The following CCDC73 variants were observed in gnomAD, a reference collection of about 807,000 sequenced individuals.
CCDC73 encodes coiled-coil domain containing 73, also known as coiled-coil domain-containing protein 73.
In CCDC73, 95 loss-of-function variants were observed where a neutral mutation model predicts 116.5. That is an observed-to-expected ratio of 0.82 (90% CI 0.69 to 0.97). CCDC73 has a LOEUF of 0.97. CCDC73 is among the 50% of genes least tolerant of loss of function. The probability of loss-of-function intolerance (pLI) is 0.00; values close to 1 mark genes in which losing one functional copy is unlikely to be tolerated. For synonymous variants in CCDC73, 398 were observed against 401.3 expected (o/e 0.99, Z 0.10); for missense variants, 1,066 against 1,206.8 (o/e 0.88, Z 1.73).
At chr11:32,729,465 G>C (rs1850057212) in intron 2 of CCDC73, among the ~76,000 whole-genome samples, 1 of 152,074 alleles carries the variant, frequency 6.6e-6, no homozygotes, top group East Asian at 1.9e-4. Context: ...ATTGTGAATA[G>C]TGCTGCAATG....
In CCDC73 at chr11:32,720,078, C is replaced by T. The variant is rs145232329; in HGVS notation, c.136-1931G>A. ...AGACCTATTTACCATAATACCAATA[C>T]CAAAGACAGCACAAAGGGAATACTC... is the stretch of plus-strand genomic sequence containing the variant. On this transcript the variant is annotated intron_variant, in intron 2 of 17. Transcript: ENST00000335185. 6.6e-5 allele frequency among the ~76,000 whole-genome samples: 10 copies of T among 152,228 alleles called. No individual in the cohort carries two copies. In the East Asian group the frequency reaches 9.6e-4, roughly 15 times the overall value.
At chr11:32,678,574 G>C (rs1856112979) in intron 7 of CCDC73, among the ~76,000 whole-genome samples, 1 of 151,970 alleles carries the variant, frequency 6.6e-6, no homozygotes, top group Non-Finnish European at 1.5e-5. Flanking sequence ...TTTAGAATAA[G>C]CATGGCCTTT....
At chr11:32,641,939 A>G in intron 13 of CCDC73, 33 bp downstream of exon 13, 1 of 1,327,300 alleles carries the variant, frequency 7.5e-7, no homozygotes, top group Non-Finnish European at 9.8e-7. Flanking sequence ...ACTATTTAAA[A>G]TATTTTAATA....
chr11:32,663,404 T>C (rs973463637), intron 9 of CCDC73, among the ~76,000 whole-genome samples: 14 of 152,208 alleles, frequency 9.2e-5, no homozygotes, highest in Non-Finnish European at 1.8e-4. Flanking sequence ...TCACATCCCT[T>C]GTAAGTTGGA....
Position 32,714,702 on chromosome 11 carries a change from T to C in CCDC73, c.207+3374A>G, listed in dbSNP as rs577347605. Among the ~76,000 whole-genome samples the C allele has an allele frequency of 2.6e-4, 39 of 152,146 alleles. No individual in the cohort carries two copies. The Middle Eastern group carries it at 0.02, about 80-fold the overall frequency. On this transcript the variant is annotated intron_variant, in intron 3 of 17. Coordinates refer to ENST00000335185, the MANE Select transcript of CCDC73 (RefSeq NM_001008391.4). ...TGAGAAAGCTTCAGAAGCAGACATA[T>C]TCAGAAAGAAACAGCTACCATTCAA... is the stretch of plus-strand genomic sequence containing the variant.
chr11:32,658,733 T>C (rs915440271), intron 9 of CCDC73, among the ~76,000 whole-genome samples: 1 of 152,074 alleles, frequency 6.6e-6, no homozygotes, highest in East Asian at 1.9e-4. Flanking sequence ...AGATGATGAG[T>C]GTCTATAGTA....
chr11:32,677,619 C>T (rs750797119), intron 7 of CCDC73, among the ~76,000 whole-genome samples: 69 of 152,062 alleles, frequency 4.5e-4, no homozygotes, highest in Non-Finnish European at 8.7e-4. Flanking sequence ...CCCTAAATTT[C>T]CTTTTACATA....
At chr11:32,702,440 C>T (rs1405532673) in intron 4 of CCDC73, among the ~76,000 whole-genome samples, 1 of 152,056 alleles carries the variant, frequency 6.6e-6, no homozygotes, top group Non-Finnish European at 1.5e-5. Flanking sequence ...GCATAATAAT[C>T]ATCTCTTCTA....
intron 1 of CCDC73, among the ~76,000 whole-genome samples, chr11:32,777,338 C>T (rs1045695900): frequency 6.6e-6 from 1 of 151,988 alleles, no homozygotes; most frequent in Non-Finnish European, 1.5e-5. Flanking sequence ...CTCCTGACCT[C>T]AAGTGATCTG....
At chr11:32,635,418 A>G (rs1479031042) in intron 14 of CCDC73, among the ~76,000 whole-genome samples, 1 of 152,192 alleles carries the variant, frequency 6.6e-6, no homozygotes, top group Non-Finnish European at 1.5e-5. Context: ...ATATTTGATC[A>G]ACTGATTTTC....
At chr11:32,618,327 C>G (rs1436048550) in intron 14 of CCDC73, among the ~76,000 whole-genome samples, 1 of 152,104 alleles carries the variant, frequency 6.6e-6, no homozygotes, top group Non-Finnish European at 1.5e-5. Context: ...GTGAACAGTG[C>G]TGCAATGAAC....
At chr11:32,719,023 A>C (rs911727706) in intron 2 of CCDC73, among the ~76,000 whole-genome samples, 1 of 152,196 alleles carries the variant, frequency 6.6e-6, no homozygotes, top group South Asian at 2.1e-4. Flanking sequence ...GCCAATAAGC[A>C]TCAAGTAAAA....
the CCDC73 span, among the ~76,000 whole-genome samples, chr11:32,802,977 GA>G: frequency 2.0e-5 from 3 of 149,688 alleles, no homozygotes; most frequent in Non-Finnish European, 4.4e-5. Context: ...GTTTCACCAT[GA>G]TAGCCAGGCT....
At chr11:32,807,171 T>C in the CCDC73 span, among the ~76,000 whole-genome samples, 9 of 152,198 alleles carry the variant, frequency 5.9e-5, no homozygotes, top group Admixed American at 5.9e-4. Context: ...CACTGCACTT[T>C]GGGTGTGACT....
the CCDC73 span, chr11:32,829,729 C>A: frequency 3.3e-3 from 3,189 of 977,372 alleles, 16 homozygotes; most frequent in Non-Finnish European, 3.7e-3. Context: ...AGCAGCCACC[C>A]GCGCCGCCAA....
At chr11:32,790,732 C>A (rs573067487) in intron 1 of CCDC73, among the ~76,000 whole-genome samples, 4 of 152,024 alleles carry the variant, frequency 2.6e-5, no homozygotes, top group African/African-American at 9.6e-5. Flanking sequence ...AAAACATGAA[C>A]TGTATATGTG....
chr11:32,735,533 T>C (rs899677589), intron 2 of CCDC73, among the ~76,000 whole-genome samples: 2 of 151,786 alleles, frequency 1.3e-5, no homozygotes, highest in African/African-American at 4.8e-5. Flanking sequence ...AAACAGAACA[T>C]TCCATGCTCA....
At chr11:32,684,911 G>A (rs1394663685) in intron 6 of CCDC73, among the ~76,000 whole-genome samples, 1 of 152,092 alleles carries the variant, frequency 6.6e-6, no homozygotes, top group African/African-American at 2.4e-5. Context: ...AGCCCGGGGG[G>A]TGGAGGTTGC....
At chr11:32,804,006 C>T in the CCDC73 span, among the ~76,000 whole-genome samples, 1 of 152,036 alleles carries the variant, frequency 6.6e-6, no homozygotes. Flanking sequence ...GACAGGGTTT[C>T]ACCATGTTGA....
Sources: allele counts gnomAD v4.1 joint callset (sites outside exome capture counted in the v4.1 genomes callset), GRCh38; gene constraint gnomAD v4.1.1; transcripts MANE v1.5; gene names NCBI Gene and HGNC (gene_info 2026-07-23, HGNC 2026-07-21).